VCAN: variants seen among roughly 807,000 people sequenced by gnomAD.
VCAN encodes the protein versican core protein.
A neutral mutation model predicts 245.5 loss-of-function variants in VCAN; 44 were observed. That is an observed-to-expected ratio of 0.18 (90% CI 0.14 to 0.23). The LOEUF (loss-of-function observed/expected upper bound fraction) is 0.23. Among genes scored for constraint, VCAN ranks in the 10% least tolerant of loss-of-function variants. The pLI, the probability that VCAN is intolerant of heterozygous loss-of-function variation, is 1.00. For missense variants in VCAN, 3,793 were observed against 4,057.9 expected (o/e 0.93, Z 1.77); for synonymous variants, 1,413 against 1,437.0 (o/e 0.98, Z 0.38).
intron 5 of VCAN, among the ~76,000 whole-genome samples, chr5:83,509,303 C>A (rs549095482): frequency 6.3e-4 from 96 of 152,316 alleles, no homozygotes; most frequent in African/African-American, 2.2e-3. Context: ...TAGGTCTGAA[C>A]TGATTAACTA....
intron 1 of VCAN, among the ~76,000 whole-genome samples, chr5:83,478,430 T>C (rs1744475265): frequency 6.6e-6 from 1 of 152,192 alleles, no homozygotes. Context: ...GATTCAGCAA[T>C]TCCACTTCTC....
chr5:83,512,498 A>G (rs1745700565), intron 6 of VCAN, 102 bp downstream of exon 6: 1 of 1,389,488 alleles, frequency 7.2e-7, no homozygotes, highest in South Asian at 1.3e-5. Context: ...CATGTCTTGC[A>G]GTGTGTGCAC....
At chr5:83,480,405 T>C (rs1257063118) in intron 1 of VCAN, among the ~76,000 whole-genome samples, 2 of 152,206 alleles carry the variant, frequency 1.3e-5, no homozygotes, top group South Asian at 2.1e-4. Context: ...TTTTTTTAAA[T>C]GAGATTTGAC....
intron 6 of VCAN, among the ~76,000 whole-genome samples, chr5:83,515,875 A>AAAT (rs1561241083): frequency 6.6e-6 from 1 of 152,210 alleles, no homozygotes; most frequent in African/African-American, 2.4e-5. Flanking sequence ...GGTATATTAC[A>AAAT]AATGTTTCCT....
intron 9 of VCAN, 99 bp from the exon 10 acceptor site, chr5:83,547,872 T>G (rs1747293673): frequency 1.2e-6 from 1 of 840,038 alleles, no homozygotes. Flanking sequence ...AATTCAAATT[T>G]AACTGGCTGT....
At chr5:83,536,014 C>T (rs1200200610) in intron 7 of VCAN, 1 of 152,176 alleles carries the variant, frequency 6.6e-6, no homozygotes, top group Non-Finnish European at 1.5e-5. Flanking sequence ...AGAATTTCCT[C>T]TTTCCTAGTG....
intron 7 of VCAN, among the ~76,000 whole-genome samples, chr5:83,527,343 T>C (rs1375554202): frequency 1.3e-5 from 2 of 152,170 alleles, no homozygotes; most frequent in Non-Finnish European, 2.9e-5. Flanking sequence ...GTCTGGTGCC[T>C]GCACACCTCC....
rs747127047 is a variant in VCAN at position 83,538,891 on chromosome 5, C to T, written c.5888C>T (p.Ala1963Val). Reference protein sequence around the residue: ...TVMMEGSGDAAFRDTQTSPST... With the variant: ...TVMMEGSGDAVFRDTQTSPST... ...ATGATGGAAGGCTCTGGAGATGCAG[C>T]ATTTAGGGACACCCAGACTTCACCA... Residue 1963 changes from alanine (A) to valine (V), a missense_variant, in exon 8 of 15, where the codon GCA becomes GTA. This residue lies in a region of VCAN where 3,182 missense variants were observed against 3,250.3 expected (regional missense o/e 0.98). Transcript: ENST00000265077. 1 of 1,613,864 alleles carries T rather than the reference C, an allele frequency of 6.2e-7. No individual in the cohort carries two copies. Among genetic ancestry groups the T allele is most frequent in the East Asian group, 2.2e-5 (1 of 44,864 alleles).
Position 83,540,450 on chromosome 5 carries a change from C to G in VCAN, c.7447C>G (p.Pro2483Ala), listed in dbSNP as rs1746926635. ...TAAAGCTGTTACTGCTGATGGATTC[C>G]CAACAGTTTCAGTGATGCTGCCTCT... Reference protein sequence around the residue: ...SAKAVTADGFPTVSVMLPLHS... With the variant: ...SAKAVTADGFATVSVMLPLHS... The change falls in exon 8 of 15, where the codon CCA becomes GCA. Residue 2483 changes from proline (P) to alanine (A), a missense_variant. By Grantham distance (27) the Pro-to-Ala change is conservative. This residue lies in a region of VCAN where 3,182 missense variants were observed against 3,250.3 expected (regional missense o/e 0.98). Transcript: ENST00000265077. 1 of 1,613,946 alleles carries G rather than the reference C, an allele frequency of 6.2e-7. No homozygotes were observed. Among genetic ancestry groups the G allele is most frequent in the South Asian group, 1.1e-5 (1 of 91,074 alleles).
intron 5 of VCAN, among the ~76,000 whole-genome samples, chr5:83,505,272 C>A (rs1315012016): frequency 6.6e-6 from 1 of 152,200 alleles, no homozygotes; most frequent in Non-Finnish European, 1.5e-5. Context: ...TGAGACAAGG[C>A]AAGTCCCTTC....
chr5:83,565,443 CAG>C (rs1363188915), intron 12 of VCAN, among the ~76,000 whole-genome samples: 2 of 149,540 alleles, frequency 1.3e-5, no homozygotes, highest in African/African-American at 4.9e-5. Context: ...GAGAGAGAGA[CAG>C]AGTCTCAAAT....
intron 6 of VCAN, among the ~76,000 whole-genome samples, chr5:83,513,957 G>A (rs11949206): frequency 0.13 from 20,480 of 151,998 alleles, 1,747 homozygotes; most frequent in Middle Eastern, 0.18. Flanking sequence ...ACTGGCACTG[G>A]AAAACTTTTA....
intron 2 of VCAN, among the ~76,000 whole-genome samples, chr5:83,484,471 A>G (rs1221489038): frequency 6.6e-6 from 1 of 151,050 alleles, no homozygotes; most frequent in Non-Finnish European, 1.5e-5. Context: ...CTGTTTGCTT[A>G]TCAACATCTA....
In VCAN at chr5:83,475,411, C is replaced by A. The variant is rs1377883532; in HGVS notation, c.-7+3388C>A. On this transcript the variant is annotated intron_variant, in intron 1 of 14. Coordinates refer to ENST00000265077, the MANE Select transcript of VCAN (RefSeq NM_004385.5). ...AGCCACGTCTTTTTCTTTTTGTCTGCTGAAAGCTGTGACCTAATTGTTTTA... is the reference window on the plus strand; with the variant it reads ...AGCCACGTCTTTTTCTTTTTGTCTGATGAAAGCTGTGACCTAATTGTTTTA... 6.6e-5 allele frequency among the ~76,000 whole-genome samples: 10 copies of A among 152,202 alleles called. No individual in the cohort carries two copies. The East Asian group carries it at 1.9e-3, about 29-fold the overall frequency.
At chr5:83,567,066 C>T (rs1348810903) in intron 12 of VCAN, among the ~76,000 whole-genome samples, 1 of 152,042 alleles carries the variant, frequency 6.6e-6, no homozygotes, top group Non-Finnish European at 1.5e-5. Flanking sequence ...GAAAGAAAAA[C>T]AATAACTGAA....
intron 6 of VCAN, among the ~76,000 whole-genome samples, chr5:83,515,854 T>C (rs1203294648): frequency 6.6e-6 from 1 of 152,210 alleles, no homozygotes; most frequent in Non-Finnish European, 1.5e-5. Flanking sequence ...AAAACTAACC[T>C]TTCCCCGATT....
intron 13 of VCAN, among the ~76,000 whole-genome samples, chr5:83,573,305 A>G (rs1273628565): frequency 1.3e-5 from 2 of 152,180 alleles, no homozygotes; most frequent in East Asian, 3.9e-4. Flanking sequence ...TTTAAGAAAT[A>G]AGAAGACCTG....
At position 83,519,584 on chromosome 5, in the gene VCAN, T is replaced by A. The variant is rs1458657328; in HGVS notation, c.1278T>A (p.Pro426=). 1 of 1,614,104 alleles carries A rather than the reference T, an allele frequency of 6.2e-7. No individual in the cohort carries two copies. The highest frequency in any genetic ancestry group is 1.7e-5 in the Admixed American group (1 of 60,010). The part of the protein sequence containing the change: ...TDSLATKLPT[P]TGSTKKPWDM... ...GTTTAGCCACCAAATTACCCACACC[T>A]ACTGGCAGTACCAAGAAGCCCTGGG... The change falls in exon 7 of 15, where the codon CCT becomes CCA. Residue 426 remains proline (P), a synonymous_variant. Transcript: ENST00000265077.
intron 13 of VCAN, among the ~76,000 whole-genome samples, chr5:83,578,214 A>C (rs1451921191): frequency 6.6e-6 from 1 of 152,166 alleles, no homozygotes; most frequent in Non-Finnish European, 1.5e-5. Flanking sequence ...CATCATCCTT[A>C]GCAAACTAAC....
Sources: allele counts gnomAD v4.1 joint callset (sites outside exome capture counted in the v4.1 genomes callset), GRCh38; gene constraint gnomAD v4.1.1; regional missense constraint gnomAD v4.1.1; transcripts MANE v1.5; gene names NCBI Gene and HGNC (gene_info 2026-07-23, HGNC 2026-07-21).